TTC28: variants seen among roughly 807,000 people sequenced by gnomAD.
TTC28 encodes tetratricopeptide repeat protein 28.
In TTC28, 61 loss-of-function variants were observed where a neutral mutation model predicts 198.0. That is an observed-to-expected ratio of 0.31 (90% CI 0.25 to 0.38). The LOEUF (loss-of-function observed/expected upper bound fraction) is 0.38. Ranked by LOEUF, TTC28 falls within the 10% of genes least tolerant of loss-of-function variation. TTC28 has a pLI of 1.00. For missense variants in TTC28, 2,678 were observed against 3,164.0 expected, an observed-to-expected ratio of 0.85 and a Z score of 3.69; for synonymous variants, 1,171 against 1,297.8, an observed-to-expected ratio of 0.90 and a Z score of 2.10.
intron 2 of TTC28, among the ~76,000 whole-genome samples, chr22:28,371,104 G>C (rs1310553310): frequency 6.6e-6 from 1 of 152,122 alleles, no homozygotes; most frequent in Non-Finnish European, 1.5e-5. Context: ...CAGGTAGCTT[G>C]CATGTCTGTA....
intron 2 of TTC28, among the ~76,000 whole-genome samples, chr22:28,581,484 A>G (rs1013511055): frequency 3.3e-5 from 5 of 152,224 alleles, no homozygotes; most frequent in African/African-American, 4.8e-5. Context: ...GATAAATAAT[A>G]CATTTTAATT....
chr22:28,400,992 T>C (rs2046897308), intron 2 of TTC28, among the ~76,000 whole-genome samples: 1 of 152,148 alleles, frequency 6.6e-6, no homozygotes, highest in Admixed American at 6.5e-5. Context: ...TTATTTTAAG[T>C]TGATGTTTTA....
chr22:28,370,424 C>T (rs551084374), intron 2 of TTC28, among the ~76,000 whole-genome samples: 3 of 152,274 alleles, frequency 2.0e-5, no homozygotes, highest in African/African-American at 7.2e-5. Flanking sequence ...CTCAGTTAAA[C>T]CTCGAATTCC....
intron 2 of TTC28, among the ~76,000 whole-genome samples, chr22:28,487,940 T>C (rs2048331688): frequency 2.6e-5 from 4 of 152,206 alleles, no homozygotes; most frequent in Admixed American, 2.0e-4. Flanking sequence ...GCAACATATT[T>C]TTTCCTTTCT....
intron 14 of TTC28, among the ~76,000 whole-genome samples, chr22:28,004,322 C>T (rs1286695276): frequency 6.6e-6 from 1 of 152,234 alleles, no homozygotes; most frequent in African/African-American, 2.4e-5. Context: ...CATTGAGAGG[C>T]AGCCTGCCTG....
In TTC28 at chr22:28,269,307, C is replaced by CTT. The variant is rs1931896327; in HGVS notation, c.933+26890_933+26891insAA. 2.6e-5 allele frequency among the ~76,000 whole-genome samples: 4 copies of CTT among 152,040 alleles called. No homozygotes were observed. In the South Asian group the frequency reaches 8.4e-4, roughly 32 times the overall value. ...CAAAGGGTATTTGAATACAGGGTCC[C>CTT]TCGGGAAGTGTGCCCAACGAGAAAC... On this transcript the variant is annotated intron_variant, in intron 5 of 22. Transcript: ENST00000397906.
intron 5 of TTC28, among the ~76,000 whole-genome samples, chr22:28,240,631 C>T (rs1261661969): frequency 6.6e-6 from 1 of 152,108 alleles, no homozygotes; most frequent in African/African-American, 2.4e-5. Flanking sequence ...AATTAGCACA[C>T]CTAGCACAGA....
chr22:28,604,425 G>A (rs1467592495), intron 2 of TTC28, among the ~76,000 whole-genome samples: 2 of 151,058 alleles, frequency 1.3e-5, no homozygotes, highest in East Asian at 3.9e-4. Flanking sequence ...GGAAACTCCT[G>A]GGATAATTTT....
At chr22:28,133,035 C>T (rs997835104) in intron 6 of TTC28, among the ~76,000 whole-genome samples, 2 of 152,144 alleles carry the variant, frequency 1.3e-5, no homozygotes, top group African/African-American at 4.8e-5. Context: ...ACCACCTGGC[C>T]AACATGGTGA....
intron 5 of TTC28, among the ~76,000 whole-genome samples, chr22:28,278,226 T>C (rs911262434): frequency 6.6e-6 from 1 of 152,120 alleles, no homozygotes; most frequent in African/African-American, 2.4e-5. Context: ...AATCCACTCC[T>C]GAAATCCAAA....
At chr22:28,063,169 C>T (rs1439367375) in intron 12 of TTC28, among the ~76,000 whole-genome samples, 1 of 152,180 alleles carries the variant, frequency 6.6e-6, no homozygotes, top group Admixed American at 6.5e-5. Flanking sequence ...AAGTCCCATG[C>T]ATTTGTGGTT....
chr22:27,992,880 A>G (rs1937465912), intron 18 of TTC28: 2 of 594,742 alleles, frequency 3.4e-6, no homozygotes, highest in Admixed American at 3.1e-5. Context: ...ACCCTGCCGC[A>G]GTCCTCTAGG....
At chr22:28,303,896 G>T (rs2045079273) in intron 3 of TTC28, 1 of 149,206 alleles carries the variant, frequency 6.7e-6, no homozygotes. Flanking sequence ...TGACATAACA[G>T]ATCAGACGTA....
At chr22:28,517,855 C>T (rs562601419) in intron 2 of TTC28, among the ~76,000 whole-genome samples, 5 of 152,214 alleles carry the variant, frequency 3.3e-5, no homozygotes, top group South Asian at 2.1e-4. Flanking sequence ...ATATATTAAA[C>T]GCAAACACAT....
intron 12 of TTC28, among the ~76,000 whole-genome samples, chr22:28,032,137 A>C (rs904694596): frequency 2.1e-5 from 3 of 144,214 alleles, no homozygotes; most frequent in African/African-American, 7.7e-5. Context: ...TAAATATACA[A>C]GCACATCCTA....
At chr22:28,342,069 C>T (rs1312139522) in intron 2 of TTC28, among the ~76,000 whole-genome samples, 1 of 152,102 alleles carries the variant, frequency 6.6e-6, no homozygotes, top group Non-Finnish European at 1.5e-5. Flanking sequence ...GTTTAAAACT[C>T]TGTAATAAAA....
chr22:28,556,183 A>G (rs969372497), intron 2 of TTC28, among the ~76,000 whole-genome samples: 1 of 152,078 alleles, frequency 6.6e-6, no homozygotes, highest in Admixed American at 6.5e-5. Flanking sequence ...ACATAGTAAA[A>G]CCCCGTCTCT....
intron 5 of TTC28, among the ~76,000 whole-genome samples, chr22:28,209,011 A>C (rs533842412): frequency 6.6e-6 from 1 of 152,348 alleles, no homozygotes; most frequent in East Asian, 1.9e-4. Flanking sequence ...CTGAATTAAA[A>C]GGTTTTTCAT....
chr22:28,214,320 A>G (rs1447280264), intron 5 of TTC28, among the ~76,000 whole-genome samples: 1 of 152,232 alleles, frequency 6.6e-6, no homozygotes, highest in East Asian at 1.9e-4. Flanking sequence ...ACAGCAAAAG[A>G]AACTACCATC....
Sources: gnomAD v4.1 joint callset for allele counts (sites outside exome capture counted in the v4.1 genomes callset) on GRCh38, gnomAD v4.1.1 for gene constraint, MANE v1.5 for transcripts, NCBI Gene and HGNC (gene_info 2026-07-23, HGNC 2026-07-21) for gene names.